The following ZFHX3 variants were observed in gnomAD, a reference collection of about 807,000 sequenced individuals.
The protein encoded by ZFHX3 is zinc finger homeobox protein 3.
Under a neutral mutation model 279.1 loss-of-function variants are expected in ZFHX3, and 42 were observed. That is an observed-to-expected ratio of 0.15 (90% CI 0.12 to 0.19). The LOEUF (loss-of-function observed/expected upper bound fraction) is 0.19. ZFHX3 is among the 10% of genes least tolerant of loss of function. The probability of loss-of-function intolerance (pLI) is 1.00; values close to 1 mark genes in which losing one functional copy is unlikely to be tolerated. For missense variants in ZFHX3, 4,981 were observed against 4,754.0 expected, an observed-to-expected ratio of 1.05 and a Z score of -1.40; for synonymous variants, 2,293 against 1,957.8, an observed-to-expected ratio of 1.17 and a Z score of -4.52.
intron 3 of ZFHX3, among the ~76,000 whole-genome samples, chr16:73,320,912 T>C (rs761629351): frequency 6.6e-6 from 1 of 152,194 alleles, no homozygotes; most frequent in Non-Finnish European, 1.5e-5. Context: ...GGGACTGTGA[T>C]AGTTTCTGAC....
At chr16:73,136,725 CAAAAAAAAA>C (rs397855836) in intron 6 of ZFHX3, among the ~76,000 whole-genome samples, 3 of 41,620 alleles carry the variant, frequency 7.2e-5, no homozygotes, top group Admixed American at 3.9e-4. Context: ...GACTCTGCCT[CAAAAAAAAA>C]AAAAAAAAAA....
At chr16:73,605,327 C>A (rs1277448103) in intron 2 of ZFHX3, among the ~76,000 whole-genome samples, 1 of 152,182 alleles carries the variant, frequency 6.6e-6, no homozygotes, top group African/African-American at 2.4e-5. Context: ...TAAGCATTTT[C>A]CCTTTTAGGA....
At chr16:73,311,268 A>C (rs1458245788) in intron 4 of ZFHX3, among the ~76,000 whole-genome samples, 2 of 151,252 alleles carry the variant, frequency 1.3e-5, no homozygotes, top group African/African-American at 4.9e-5. Context: ...AAAAATACAC[A>C]AACAAACACC....
rs2015234428 is a variant in ZFHX3 at position 73,308,256 on chromosome 16, TATATATATATA to T, written c.-1194+9973_-1194+9983del. On this transcript the variant is annotated intron_variant, in intron 4 of 17. Transcript: ENST00000641206. Reference sequence around the variant, plus strand: ...ATATATATATATATATATATATATATATATATATATATATATATATATTTATTTATTTATTT... The same window carrying T: ...ATATATATATATATATATATATATATTATATATATATTTATTTATTTATTT... Among the ~76,000 whole-genome samples, 5 of 34,586 alleles carry T rather than the reference TATATATATATA, an allele frequency of 1.4e-4. No individual in the cohort carries two copies. The South Asian group carries it at 4.0e-3, about 28-fold the overall frequency. 22.7% of individuals were successfully genotyped at this position (34,586 alleles called of 152,430 possible).
chr16:72,889,945 C>G lies in ZFHX3; in HGVS notation c.3234G>C (p.Glu1078Asp), dbSNP rs2144076381. ...LKLYKHLQQH[E>D]SGVEGESCYY... ...AGCAGCTCTCACCTTCTACACCACT[C>G]TCATGCTGCTGCAGGTGCTGCAAGT... Residue 1078 changes from glutamate (E) to aspartate (D), a missense_variant, in exon 4 of 10, where the codon GAG (glutamate) becomes GAC (aspartate). Physicochemically the swap from Glu to Asp is conservative, Grantham distance 45. Transcript: ENST00000268489. 4 of 1,613,718 alleles carry G rather than the reference C, an allele frequency of 2.5e-6. No individual in the cohort carries two copies. Among genetic ancestry groups the G allele is most frequent in the African/African-American group, 1.3e-5 (1 of 75,054 alleles).
chr16:73,000,284 G>T (rs1450233073), intron 1 of ZFHX3, among the ~76,000 whole-genome samples: 1 of 152,230 alleles, frequency 6.6e-6, no homozygotes, highest in Non-Finnish European at 1.5e-5. Flanking sequence ...AAGGAAGGAG[G>T]CGCCTCTTCT....
chr16:73,340,421 C>A (rs750587484), intron 3 of ZFHX3, among the ~76,000 whole-genome samples: 1 of 152,210 alleles, frequency 6.6e-6, no homozygotes, highest in Non-Finnish European at 1.5e-5. Flanking sequence ...TGCAGTGGCA[C>A]GATGATCATG....
intron 2 of ZFHX3, among the ~76,000 whole-genome samples, chr16:73,643,709 C>G (rs1033580336): frequency 2.0e-5 from 3 of 152,204 alleles, no homozygotes; most frequent in Non-Finnish European, 4.4e-5. Flanking sequence ...GTGTTTCTTA[C>G]ATTTGTTAAC....
At chr16:73,495,378 A>G (rs1207736967) in intron 2 of ZFHX3, among the ~76,000 whole-genome samples, 1 of 152,214 alleles carries the variant, frequency 6.6e-6, no homozygotes, top group Non-Finnish European at 1.5e-5. Context: ...CAAGCCATCT[A>G]GGAGTTGGAT....
chr16:72,844,674 C>T (rs770622489), intron 4 of ZFHX3, among the ~76,000 whole-genome samples: 3 of 152,096 alleles, frequency 2.0e-5, no homozygotes, highest in Non-Finnish European at 4.4e-5. Context: ...AGAAAATGCA[C>T]CGCAGCAGGA....
chr16:73,785,712 C>A (rs897779115), intron 1 of ZFHX3, among the ~76,000 whole-genome samples: 4 of 152,110 alleles, frequency 2.6e-5, no homozygotes, highest in Non-Finnish European at 4.4e-5. Context: ...AATTTTTACT[C>A]AACATTTATT....
chr16:72,798,579 T>C lies in ZFHX3; in HGVS notation c.4103A>G (p.Asn1368Ser), dbSNP rs758364697. The C allele has an allele frequency of 1.2e-6, 2 of 1,614,142 alleles. No individual in the cohort carries two copies. The highest frequency in any genetic ancestry group is 1.7e-6 in the Non-Finnish European group (2 of 1,180,014). ...GGCAGCAGAAGTTTTGAAAACCTGG[T>C]TGCACCCCTTCTTCCAGCAGATGAA... is the stretch of plus-strand genomic sequence containing the variant. ...SGFICWKKGC[N>S]QVFKTSAALQ... The change falls in exon 9 of 10, where the codon AAC becomes AGC. Residue 1368 changes from asparagine to serine, a missense_variant. By Grantham distance (46) the Asn-to-Ser change is conservative. Around this residue, in one of 7 missense-constraint regions of ZFHX3, gnomAD observed 1,751 missense variants for 1,770.0 expected, o/e 0.99. Coordinates refer to ENST00000268489, the MANE Select transcript of ZFHX3 (RefSeq NM_006885.4).
chr16:73,349,593 C>CCT (rs1296660921), intron 3 of ZFHX3, among the ~76,000 whole-genome samples: 1 of 149,476 alleles, frequency 6.7e-6, no homozygotes, highest in Admixed American at 6.7e-5. Flanking sequence ...TATCGCTTTA[C>CCT]CTCTCTCTCT....
intron 4 of ZFHX3, among the ~76,000 whole-genome samples, chr16:73,309,484 T>G: frequency 6.6e-6 from 1 of 152,168 alleles, no homozygotes; most frequent in East Asian, 1.9e-4. Flanking sequence ...TAATGTGCAC[T>G]CCTGCAAGGA....
intron 5 of ZFHX3, among the ~76,000 whole-genome samples, chr16:73,193,472 C>T (rs1184142305): frequency 6.6e-6 from 1 of 152,202 alleles, no homozygotes; most frequent in South Asian, 2.1e-4. Context: ...CTGGCATTTT[C>T]CCTGGCACCA....
At chr16:73,689,600 G>C (rs1056107649) in intron 1 of ZFHX3, among the ~76,000 whole-genome samples, 1 of 152,176 alleles carries the variant, frequency 6.6e-6, no homozygotes, top group African/African-American at 2.4e-5. Flanking sequence ...GGAGGGCTAA[G>C]GGAATGTGAA....
At chr16:73,187,131 C>G (rs533028925) in intron 5 of ZFHX3, among the ~76,000 whole-genome samples, 89 of 138,154 alleles carry the variant, frequency 6.4e-4, no homozygotes, top group Non-Finnish European at 8.6e-4. Context: ...GGGGGATGGA[C>G]AAGTTGTATG....
chr16:73,064,719 A>T (rs973111915), intron 8 of ZFHX3, among the ~76,000 whole-genome samples: 1 of 152,154 alleles, frequency 6.6e-6, no homozygotes, highest in African/African-American at 2.4e-5. Flanking sequence ...TTTTGAATAC[A>T]TGGCGCATTG....
chr16:73,431,809 G>A (rs1180518946), intron 3 of ZFHX3, among the ~76,000 whole-genome samples: 1 of 152,130 alleles, frequency 6.6e-6, no homozygotes, highest in African/African-American at 2.4e-5. Context: ...CAAACCAAGT[G>A]TAAGGAGGCA....
Sources: allele counts gnomAD v4.1 joint callset (sites outside exome capture counted in the v4.1 genomes callset), GRCh38; gene constraint gnomAD v4.1.1; regional missense constraint gnomAD v4.1.1; transcripts MANE v1.5; gene names NCBI Gene and HGNC (gene_info 2026-07-23, HGNC 2026-07-21).